DNAH14: variants seen among roughly 807,000 people sequenced by gnomAD.
DNAH14 encodes the protein dynein axonemal heavy chain 14.
A neutral mutation model predicts 520.9 loss-of-function variants in DNAH14; 478 were observed. The observed-to-expected ratio is 0.92, with a 90% CI of 0.85 to 0.99. The LOEUF is 0.99. Among genes scored for constraint, DNAH14 ranks in the 50% least tolerant of loss-of-function variants. The probability of loss-of-function intolerance (pLI) is 0.00; values close to 1 mark genes in which losing one functional copy is unlikely to be tolerated. For missense variants in DNAH14, 4,831 were observed against 5,234.5 expected (o/e 0.92, Z 2.38); for synonymous variants, 1,581 against 1,757.2 (o/e 0.90, Z 2.51).
At chr1:225,189,396 C>T in intron 37 of DNAH14, among the ~76,000 whole-genome samples, 1 of 146,618 alleles carries the variant, frequency 6.8e-6, no homozygotes. Flanking sequence ...GAAAGTGTTT[C>T]CTAGTTTTCT....
intron 36 of DNAH14, among the ~76,000 whole-genome samples, chr1:225,173,828 C>T (rs2082993447): frequency 2.0e-5 from 3 of 152,146 alleles, no homozygotes; most frequent in African/African-American, 7.2e-5. Flanking sequence ...AATTGTGGCA[C>T]TATTCACAAT....
chr1:225,303,441 T>C (rs1437267972), intron 57 of DNAH14, 94 bp downstream of exon 57: 1 of 1,069,494 alleles, frequency 9.4e-7, no homozygotes, highest in Non-Finnish European at 1.3e-6. Context: ...TGGACAAAAA[T>C]AGGCAGTTCT....
intron 38 of DNAH14, 109 bp from the exon 39 acceptor site, chr1:225,204,074 T>C (rs2087215412): frequency 1.8e-6 from 1 of 562,540 alleles, no homozygotes; most frequent in South Asian, 3.2e-5. Context: ...TACAGAACCC[T>C]CTGCCTTTTA....
Position 225,232,272 on chromosome 1 carries a change from T to C in DNAH14, c.6518+1121T>C, listed in dbSNP as rs931833014. Among the ~76,000 whole-genome samples the C allele has an allele frequency of 2.1e-5, 3 of 143,768 alleles. No homozygotes were observed. Among genetic ancestry groups the C allele is most frequent in the Non-Finnish European group, 4.5e-5 (3 of 66,674 alleles). 94.3% of individuals were successfully genotyped at this position (143,768 alleles called of 152,430 possible). A position where few individuals can be genotyped will look rare whatever the true frequency, so the allele number is the denominator to read the frequency against. On this transcript the variant is annotated intron_variant, in intron 42 of 85. Coordinates refer to ENST00000682510, the MANE Select transcript of DNAH14 (RefSeq NM_001367479.1). This position sits in a 1 kb window ranked among gnomAD's most constrained non-coding sequence, Gnocchi z 4.2. ...GTCATTATATATATAAACTGTGATA[T>C]ATATATATACACACACACACACACA...
At chr1:225,147,616 T>TG (rs2080073390) in intron 31 of DNAH14, among the ~76,000 whole-genome samples, 1 of 152,224 alleles carries the variant, frequency 6.6e-6, no homozygotes, top group South Asian at 2.1e-4. Flanking sequence ...AAACAAATGC[T>TG]GCTTTTTTTA....
chr1:225,007,356 T>C, intron 9 of DNAH14, 57 bp from the exon 10 acceptor site: 1 of 1,357,698 alleles, frequency 7.4e-7, no homozygotes, highest in Non-Finnish European at 9.6e-7. Context: ...ATATTTTATC[T>C]TTTTTAAATA....
At chr1:225,387,149 A>G (rs1041310301) in intron 81 of DNAH14, among the ~76,000 whole-genome samples, 3 of 151,616 alleles carry the variant, frequency 2.0e-5, no homozygotes, top group Admixed American at 2.0e-4. Flanking sequence ...AGAAAACCAA[A>G]CACCGCATAT....
At chr1:224,949,381 T>C (rs1306957558) in intron 1 of DNAH14, among the ~76,000 whole-genome samples, 2 of 152,174 alleles carry the variant, frequency 1.3e-5, no homozygotes, top group Non-Finnish European at 2.9e-5. Flanking sequence ...TGTATATATA[T>C]GAACATATGT....
At chr1:225,124,894 G>T (rs2077581947) in intron 27 of DNAH14, among the ~76,000 whole-genome samples, 1 of 152,152 alleles carries the variant, frequency 6.6e-6, no homozygotes, top group South Asian at 2.1e-4. Flanking sequence ...AGCCTTGAAA[G>T]TCAAAAGTAC....
In DNAH14 at chr1:225,399,100, T is replaced by G; in HGVS notation, c.13685T>G (p.Leu4562Arg). The G allele has an allele frequency of 6.4e-7, 1 of 1,551,784 alleles. No homozygotes were observed. Among genetic ancestry groups the G allele is most frequent in the Non-Finnish European group, 8.7e-7 (1 of 1,147,026 alleles). Residue 4562 changes from leucine to arginine, a missense_variant, in exon 86 of 86, where the codon CTC becomes CGC. Transcript: ENST00000682510. ...PNASNQTDSE[L>R]YAFECPVYQT... is the part of the protein sequence containing the mutation. ...GCTTCCAACCAGACAGATTCAGAAC[T>G]CTATGCTTTTGAATGCCCAGTTTAC...
chr1:224,968,052 G>A (rs771272469), intron 6 of DNAH14: 1 of 685,604 alleles, frequency 1.5e-6, no homozygotes, highest in Non-Finnish European at 1.8e-6. Flanking sequence ...ATGTCTGTCT[G>A]CCTTTTTCTG....
At chr1:224,947,152 A>G (rs1035656655) in intron 1 of DNAH14, among the ~76,000 whole-genome samples, 1 of 152,050 alleles carries the variant, frequency 6.6e-6, no homozygotes, top group Non-Finnish European at 1.5e-5. Flanking sequence ...TCCTGACCTC[A>G]GGTGATCTGC....
intron 41 of DNAH14, among the ~76,000 whole-genome samples, chr1:225,228,324 G>T (rs1409646476): frequency 6.6e-6 from 1 of 152,156 alleles, no homozygotes; most frequent in African/African-American, 2.4e-5. Flanking sequence ...AGCTGCCTTG[G>T]AATATGTAGG....
chr1:225,386,771 T>C (rs1259045589), intron 81 of DNAH14, among the ~76,000 whole-genome samples: 1 of 152,250 alleles, frequency 6.6e-6, no homozygotes, highest in Non-Finnish European at 1.5e-5. Flanking sequence ...GGAACGCTTT[T>C]ACACTGTTGG....
chr1:225,047,962 G>C (rs1196326778), intron 15 of DNAH14, among the ~76,000 whole-genome samples: 4 of 152,088 alleles, frequency 2.6e-5, no homozygotes, highest in Non-Finnish European at 5.9e-5. Flanking sequence ...CTTTGTGGGT[G>C]GTGTTAAGGG....
chr1:225,250,275 G>A (rs567448684), intron 43 of DNAH14, among the ~76,000 whole-genome samples: 2 of 152,208 alleles, frequency 1.3e-5, no homozygotes, highest in African/African-American at 4.8e-5. Context: ...ATTTATTATA[G>A]CCATTCCAGT....
rs145003678 is a variant in DNAH14 at position 225,171,269 on chromosome 1, C to G, written c.5535+3241C>G. Among the ~76,000 whole-genome samples the G allele has an allele frequency of 7.0e-3, 1,065 of 152,218 alleles. 8 individuals carry two copies. The highest frequency in any genetic ancestry group is 0.024 in the African/African-American group (996 of 41,526). On this transcript the variant is annotated intron_variant, in intron 36 of 85. Coordinates refer to ENST00000682510, the MANE Select transcript of DNAH14 (RefSeq NM_001367479.1). Reference sequence around the variant, plus strand: ...GCAGAAGGCAAGAAATAACTAAGATCAGAGTGGAACTGAAGGGAATAGAGA... The same window carrying G: ...GCAGAAGGCAAGAAATAACTAAGATGAGAGTGGAACTGAAGGGAATAGAGA...
intron 27 of DNAH14, among the ~76,000 whole-genome samples, chr1:225,124,533 A>G (rs968676025): frequency 6.6e-6 from 1 of 152,212 alleles, no homozygotes; most frequent in African/African-American, 2.4e-5. Context: ...GCTCATCCAT[A>G]AGAGGCAACT....
chr1:225,131,093 C>A (rs2078366989), intron 27 of DNAH14, among the ~76,000 whole-genome samples: 1 of 152,050 alleles, frequency 6.6e-6, no homozygotes, highest in Non-Finnish European at 1.5e-5. Context: ...TATAAGTATT[C>A]ATTGTATAAT....
Sources: gnomAD v4.1 joint callset for allele counts (sites outside exome capture counted in the v4.1 genomes callset) on GRCh38, gnomAD v4.1.1 for gene constraint, Gnocchi (gnomAD v3.1) non-coding constraint, MANE v1.5 for transcripts, NCBI Gene and HGNC (gene_info 2026-07-23, HGNC 2026-07-21) for gene names.